LHB: variants seen among roughly 807,000 people sequenced by gnomAD.
The protein encoded by LHB is lutropin subunit beta.
A neutral mutation model predicts 10.6 loss-of-function variants in LHB; 11 were observed. The ratio of observed to expected loss-of-function variants is 1.04; its 90% CI spans 0.66 to 1.72. LHB has a LOEUF of 1.72. Ranked by LOEUF, LHB falls within the 40% of genes most tolerant of loss-of-function variation. The pLI is 0.00. For missense variants in LHB, 184 were observed against 197.3 expected (o/e 0.93, Z 0.41); for synonymous variants, 86 against 83.1 (o/e 1.03, Z -0.19).
At position 49,017,074 on chromosome 19, in the gene LHB, A is replaced by C. The variant is rs768033228; in HGVS notation, c.8T>G (p.Met3Arg). The C allele has an allele frequency of 5.0e-6, 8 of 1,613,912 alleles. No homozygotes were observed. Among genetic ancestry groups the C allele is most frequent in the Middle Eastern group, 1.7e-4 (1 of 5,994 alleles). MEMLQGLLLLLLL... is the reference protein window; with the variant it reads MERLQGLLLLLLL... The stretch of plus-strand genomic sequence containing the variant: ...GGGGCCCTGTAGTCTTACCTGGAGC[A>C]TCTCCATCCTTGGTGCATCCCCTGC... Residue 3 changes from methionine (M) to arginine (R), a missense_variant, in exon 1 of 3, where the codon ATG becomes AGG. Met to Arg is a moderately conservative substitution (Grantham distance 91, BLOSUM62 -1). Coordinates refer to ENST00000649238, the MANE Select transcript of LHB (RefSeq NM_000894.3).
Position 49,016,232 on chromosome 19 carries a change from G to T in LHB, c.262C>A (p.Arg88=), listed in dbSNP as rs146251380. The change falls in exon 3 of 3, where the codon CGG becomes AGG. Residue 88 remains arginine, a synonymous_variant. Coordinates refer to ENST00000649238, the MANE Select transcript of LHB (RefSeq NM_000894.3). ...TYRDVRFESI[R]LPGCPRGVDP... Reference sequence around the variant, plus strand: ...ACACCACGCGGGCAGCCAGGGAGCCGGATGGACTCGAAGCGCACATCACGG... The same window carrying T: ...ACACCACGCGGGCAGCCAGGGAGCCTGATGGACTCGAAGCGCACATCACGG... The T allele has an allele frequency of 6.2e-7, 1 of 1,612,374 alleles. No individual in the cohort carries two copies. Among genetic ancestry groups the T allele is most frequent in the African/African-American group, 1.3e-5 (1 of 74,890 alleles).
upstream of LHB, chr19:49,019,452 G>T (rs1301054159): frequency 2.1e-5 from 26 of 1,255,218 alleles, no homozygotes; most frequent in Non-Finnish European, 2.6e-5. Flanking sequence ...AGCAGCTTAG[G>T]AGCCCTGAAG....
At chr19:49,018,162 G>A (rs2039589985), upstream of LHB, 1 of 404,550 alleles carries the variant, frequency 2.5e-6, no homozygotes, top group Admixed American at 4.4e-5. Flanking sequence ...AGGGCTCCCC[G>A]GTGCGGCATG....
In LHB at chr19:49,016,691, C is replaced by T. The variant is rs374236524; in HGVS notation, c.39G>A (p.Leu13=). ...MLQGLLLLLL[L]SMGGAWASRE... is the part of the protein sequence containing the mutation. ...TGGATGCCCATGCCCCGCCCATGCT[C>T]AGCAGCAGCAACAGCAGCAGCCCCT... Residue 13 remains leucine (L), a synonymous_variant, in exon 2 of 3, where the codon CTG becomes CTA. Coordinates refer to ENST00000649238, the MANE Select transcript of LHB (RefSeq NM_000894.3). 144 of 1,611,652 alleles carry T rather than the reference C, an allele frequency of 8.9e-5. No individual in the cohort carries two copies. Among genetic ancestry groups the T allele is most frequent in the South Asian group, 6.4e-4 (58 of 91,004 alleles).
At chr19:49,019,160 C>A, upstream of LHB, 1 of 1,414,314 alleles carries the variant, frequency 7.1e-7, no homozygotes. Flanking sequence ...TCCTGCCACC[C>A]ACGCCAGGGA....
At chr19:49,019,364 C>A, upstream of LHB, 1 of 1,232,304 alleles carries the variant, frequency 8.1e-7, no homozygotes, top group Non-Finnish European at 1.0e-6. Flanking sequence ...CTCCAAGTTA[C>A]CTCTCCCAAC....
chr19:49,017,931 C>G (rs1189209087), upstream of LHB: 2 of 398,374 alleles, frequency 5.0e-6, no homozygotes, highest in Non-Finnish European at 8.8e-6. Flanking sequence ...CAGCGCGGCC[C>G]TGGGGGCGGG....
intron 1 of LHB, 109 bp downstream of exon 1, chr19:49,016,958 G>T: frequency 1.9e-6 from 3 of 1,610,006 alleles, no homozygotes; most frequent in East Asian, 2.2e-5. Flanking sequence ...TGGGGGTCAT[G>T]CCCCTCCAGA....
At chr19:49,018,871 A>G, upstream of LHB, 1 of 1,533,354 alleles carries the variant, frequency 6.5e-7, no homozygotes, top group South Asian at 1.2e-5. Flanking sequence ...AGCCCGGCTT[A>G]CTTGGGATAG....
At chr19:49,018,237 G>T, upstream of LHB, 2 of 767,496 alleles carry the variant, frequency 2.6e-6, no homozygotes, top group Non-Finnish European at 3.5e-6. Context: ...CGGGAGGAGC[G>T]CGGACAGGGC....
At chr19:49,018,900 G>A, upstream of LHB, 2 of 1,534,444 alleles carry the variant, frequency 1.3e-6, no homozygotes, top group Non-Finnish European at 1.7e-6. Context: ...GTCCCGCGCC[G>A]AGGTGGTCAG....
chr19:49,018,962 G>T, upstream of LHB: 1 of 1,533,872 alleles, frequency 6.5e-7, no homozygotes, highest in South Asian at 1.2e-5. Flanking sequence ...TGAAAGGCCG[G>T]CCAGACAGCT....
chr19:49,018,427 C>G (rs942044715), upstream of LHB: 4 of 790,064 alleles, frequency 5.1e-6, no homozygotes, highest in African/African-American at 7.2e-5. Flanking sequence ...TCTGCACATT[C>G]AAACTCCTGC....
chr19:49,016,175 T>C lies in LHB; in HGVS notation c.319A>G (p.Ser107Gly), dbSNP rs749003379. ...CGGCGGCAGGGTCCACAGCGACAGC[T>C]GAGAGCCACAGGGAAGGAGACCACG... ...DPVVSFPVALSCRCGPCRRST... is the reference protein window; with the variant it reads ...DPVVSFPVALGCRCGPCRRST... The change falls in exon 3 of 3, where the codon AGC (serine) becomes GGC (glycine). Residue 107 changes from serine (S) to glycine (G), a missense_variant. Transcript: ENST00000649238. The C allele has an allele frequency of 6.2e-7, 1 of 1,612,420 alleles. No individual in the cohort carries two copies. The highest frequency in any genetic ancestry group is 1.1e-5 in the South Asian group (1 of 91,016).
upstream of LHB, chr19:49,019,282 C>T (rs2039600218): frequency 1.1e-5 from 14 of 1,235,444 alleles, 1 homozygote; most frequent in East Asian, 4.1e-4. Context: ...CCAAAAACAA[C>T]CTCCCTGGTT....
At chr19:49,017,840 G>T, upstream of LHB, 1 of 398,594 alleles carries the variant, frequency 2.5e-6, no homozygotes. Flanking sequence ...CCGCCCCCAC[G>T]TTGCCAATAG....
At chr19:49,017,028 GA>G in intron 1 of LHB, 38 bp downstream of exon 1, 1 of 1,613,344 alleles carries the variant, frequency 6.2e-7, no homozygotes, top group Non-Finnish European at 8.5e-7. Flanking sequence ...TGATGGCCTG[GA>G]AGGAGGTGGA....
At chr19:49,017,539 G>C, upstream of LHB, 2 of 1,113,038 alleles carry the variant, frequency 1.8e-6, no homozygotes, top group Non-Finnish European at 2.2e-6. Context: ...TGCCCAGTGA[G>C]AGAGGGTCTC....
chr19:49,017,144 G>T (rs1255025126), upstream of LHB: 12 of 1,611,484 alleles, frequency 7.4e-6, no homozygotes, highest in East Asian at 2.2e-5. Flanking sequence ...GGGCGGCAAG[G>T]CCACCAGGAG....
Sources: gnomAD v4.1 joint callset for allele counts on GRCh38, gnomAD v4.1.1 for gene constraint, MANE v1.5 for transcripts, NCBI Gene and HGNC (gene_info 2026-07-23, HGNC 2026-07-21) for gene names.